Variants in GFRAL observed in about 807,000 individuals in gnomAD.
GFRAL encodes GDNF family receptor alpha like.
GFRAL carries 36 observed loss-of-function variants against 45.4 expected under a neutral mutation model. That is an observed-to-expected ratio of 0.79 (90% CI 0.61 to 1.05). The LOEUF (loss-of-function observed/expected upper bound fraction) is 1.05. Among genes scored for constraint, GFRAL ranks in the 50% least tolerant of loss-of-function variants. The pLI is 0.00. For synonymous variants in GFRAL, 166 were observed against 154.1 expected (o/e 1.08, Z -0.57); for missense variants, 507 against 467.5 (o/e 1.08, Z -0.78).
rs560971702 is a variant in GFRAL at position 55,369,164 on chromosome 6, G to A, written c.952+10026G>A. Among the ~76,000 whole-genome samples the A allele has an allele frequency of 1.1e-4, 16 of 151,920 alleles. 1 individual carries two copies. Among genetic ancestry groups the A allele is most frequent in the South Asian group, 8.3e-4 (4 of 4,796 alleles). ...TCATGGTGCGCCGTTTTTTAAGCCCGTCGGAAAAGCGCAGTATTCGGGTGG... is the reference window on the plus strand; with the variant it reads ...TCATGGTGCGCCGTTTTTTAAGCCCATCGGAAAAGCGCAGTATTCGGGTGG... On this transcript the variant is annotated intron_variant, in intron 6 of 8. Coordinates refer to ENST00000340465, the MANE Select transcript of GFRAL (RefSeq NM_207410.2).
At chr6:55,367,771 C>T (rs375174047) in intron 6 of GFRAL, among the ~76,000 whole-genome samples, 4,104 of 151,768 alleles carry the variant, frequency 0.027, 76 homozygotes, top group African/African-American at 0.048. Context: ...ATATTGGCCC[C>T]CACTCTCTTC....
At position 55,351,283 on chromosome 6, in the gene GFRAL, T is replaced by G; in HGVS notation, c.401T>G (p.Val134Gly). Residue 134 changes from valine (V) to glycine (G), a missense_variant, in exon 5 of 9, where the codon GTG becomes GGG. Transcript: ENST00000340465. The stretch of plus-strand genomic sequence containing the variant: ...AAAGGGATGTGGTCCTGTTTGGAAG[T>G]GGCAGAGGCATGTGTAGGGGATGTG... ...GFKGMWSCLEVAEACVGDVVC... is the reference protein window; with the variant it reads ...GFKGMWSCLEGAEACVGDVVC... 1 of 1,603,710 alleles carries G rather than the reference T, an allele frequency of 6.2e-7. No individual in the cohort carries two copies.
intron 6 of GFRAL, among the ~76,000 whole-genome samples, chr6:55,394,120 A>G (rs1045744571): frequency 2.0e-5 from 3 of 152,208 alleles, no homozygotes; most frequent in Non-Finnish European, 4.4e-5. Flanking sequence ...CCTGAATAAT[A>G]TAGATGGGCC....
chr6:55,388,819 A>T (rs951731416), intron 6 of GFRAL, among the ~76,000 whole-genome samples: 1 of 152,180 alleles, frequency 6.6e-6, no homozygotes, highest in African/African-American at 2.4e-5. Flanking sequence ...CTGGCTTAGC[A>T]GTTACCGTCA....
intron 6 of GFRAL, among the ~76,000 whole-genome samples, chr6:55,387,001 CTA>C (rs1358550761): frequency 1.3e-5 from 2 of 152,252 alleles, no homozygotes; most frequent in South Asian, 4.1e-4. Context: ...TAACTCTACT[CTA>C]AAGGCATAGG....
intron 6 of GFRAL, among the ~76,000 whole-genome samples, chr6:55,362,262 T>A (rs1768285215): frequency 6.9e-6 from 1 of 145,420 alleles, no homozygotes. Flanking sequence ...CTCCTGTTTG[T>A]GAAATGATAA....
rs150139302 is a variant in GFRAL at position 55,388,041 on chromosome 6, G to C, written c.953-11139G>C. Among the ~76,000 whole-genome samples the C allele has an allele frequency of 3.5e-3, 533 of 152,262 alleles. 3 individuals carry two copies. The highest frequency in any genetic ancestry group is 4.3e-3 in the Admixed American group (66 of 15,282). ...GTTTCGAGCCTCTGTGACAGACACTGCTCCCCACTGTCTCTGTCCTTTCTT... is the reference window on the plus strand; with the variant it reads ...GTTTCGAGCCTCTGTGACAGACACTCCTCCCCACTGTCTCTGTCCTTTCTT... On this transcript the variant is annotated intron_variant, in intron 6 of 8. Coordinates refer to ENST00000340465, the MANE Select transcript of GFRAL (RefSeq NM_207410.2).
chr6:55,351,690 C>A, intron 5 of GFRAL, 107 bp downstream of exon 5: 2 of 717,814 alleles, frequency 2.8e-6, no homozygotes, highest in Non-Finnish European at 2.2e-6. Flanking sequence ...CCACCATCAT[C>A]CAACATAGTG....
intron 6 of GFRAL, among the ~76,000 whole-genome samples, chr6:55,397,102 C>T (rs1484967163): frequency 6.6e-6 from 1 of 152,116 alleles, no homozygotes; most frequent in Non-Finnish European, 1.5e-5. Flanking sequence ...GCTTCAAACT[C>T]CTGGGCTCAA....
chr6:55,354,031 AT>A (rs537138898), intron 5 of GFRAL, among the ~76,000 whole-genome samples: 2 of 152,034 alleles, frequency 1.3e-5, no homozygotes, highest in South Asian at 4.1e-4. Flanking sequence ...AAAATATCAG[AT>A]TTATTCACAG....
At chr6:55,390,875 G>A (rs933700324) in intron 6 of GFRAL, among the ~76,000 whole-genome samples, 4 of 140,068 alleles carry the variant, frequency 2.9e-5, no homozygotes, top group Middle Eastern at 3.6e-3. Context: ...GCGACAGAGC[G>A]AGACTCCATC....
chr6:55,395,758 A>G (rs1412519022), intron 6 of GFRAL, among the ~76,000 whole-genome samples: 2 of 150,272 alleles, frequency 1.3e-5, no homozygotes, highest in Non-Finnish European at 1.5e-5. Context: ...TGAACTCTCA[A>G]CTACTGTTGC....
chr6:55,401,494 A>G (rs915151077), intron 8 of GFRAL, among the ~76,000 whole-genome samples: 4 of 152,222 alleles, frequency 2.6e-5, no homozygotes, highest in African/African-American at 9.6e-5. Flanking sequence ...GTTTCATGTT[A>G]TGCTATATTC....
intron 6 of GFRAL, among the ~76,000 whole-genome samples, chr6:55,376,575 G>A (rs114852846): frequency 0.015 from 2,350 of 152,058 alleles, 49 homozygotes; most frequent in African/African-American, 0.052. Context: ...AGTCTCGGGA[G>A]GGTGAAGGTG....
At chr6:55,396,940 C>T (rs1373591518) in intron 6 of GFRAL, among the ~76,000 whole-genome samples, 1 of 142,806 alleles carries the variant, frequency 7.0e-6, no homozygotes, top group Non-Finnish European at 1.5e-5. Flanking sequence ...AGTGTAGTGG[C>T]TTGATCACAG....
At chr6:55,346,946 A>G (rs950330047) in intron 3 of GFRAL, among the ~76,000 whole-genome samples, 4 of 151,622 alleles carry the variant, frequency 2.6e-5, no homozygotes, top group African/African-American at 9.7e-5. Flanking sequence ...GTGGTAATTA[A>G]TTTTTTAATT....
At chr6:55,395,556 A>C (rs1257664774) in intron 6 of GFRAL, among the ~76,000 whole-genome samples, 2 of 151,892 alleles carry the variant, frequency 1.3e-5, no homozygotes, top group Non-Finnish European at 2.9e-5. Context: ...ACTCTTCTAA[A>C]TGTTGCTTTA....
intron 6 of GFRAL, among the ~76,000 whole-genome samples, chr6:55,374,632 A>T (rs528699188): frequency 6.6e-6 from 1 of 152,078 alleles, no homozygotes; most frequent in East Asian, 1.9e-4. Context: ...TCTTTAGTTT[A>T]GATCTCATTT....
At chr6:55,376,945 G>A (rs1768542774) in intron 6 of GFRAL, among the ~76,000 whole-genome samples, 1 of 151,732 alleles carries the variant, frequency 6.6e-6, no homozygotes, top group African/African-American at 2.4e-5. Context: ...CAAGTAGTCG[G>A]CTTTTTCAAT....
Sources: gnomAD v4.1 joint callset for allele counts (sites outside exome capture counted in the v4.1 genomes callset) on GRCh38, gnomAD v4.1.1 for gene constraint, MANE v1.5 for transcripts, NCBI Gene and HGNC (gene_info 2026-07-23, HGNC 2026-07-21) for gene names.